The following CSMD1 variants were observed in gnomAD, a reference collection of about 807,000 sequenced individuals.
CSMD1 encodes CUB and Sushi multiple domains 1.
CSMD1 carries 213 observed loss-of-function variants against 417.5 expected under a neutral mutation model. The observed-to-expected ratio is 0.51, with a 90% CI of 0.46 to 0.57. CSMD1 has a LOEUF of 0.57. CSMD1 is among the 20% of genes least tolerant of loss of function. CSMD1 has a pLI of 0.00. For missense variants in CSMD1, 6,923 were observed against 4,529.7 expected (o/e 1.53, Z -15.17); for synonymous variants, 2,862 against 1,736.8 (o/e 1.65, Z -16.11).
Position 3,018,524 on chromosome 8 carries a change from T to C in CSMD1, c.7982A>G (p.Glu2661Gly). 6.2e-7 allele frequency: 1 copy of C among 1,613,744 alleles called. No individual in the cohort carries two copies. Among genetic ancestry groups the C allele is most frequent in the Non-Finnish European group, 8.5e-7 (1 of 1,179,830 alleles). The change falls in exon 52 of 70, where the codon GAG becomes GGG. Residue 2661 changes from glutamate to glycine, a missense_variant. By Grantham distance (98) the Glu-to-Gly change is moderately conservative. Transcript: ENST00000635120. Reference sequence around the variant, plus strand: ...GCTCCAGAGCCCATTTGCCAAGCACTCTCTGACATGAGACCCCACAAGCGT... The same window carrying C: ...GCTCCAGAGCCCATTTGCCAAGCACCCTCTGACATGAGACCCCACAAGCGT... The part of the protein sequence containing the change: ...GYTLVGSHVR[E>G]CLANGLWSGS...
At chr8:3,455,692 C>T (rs1268856230) in intron 12 of CSMD1, among the ~76,000 whole-genome samples, 1 of 152,214 alleles carries the variant, frequency 6.6e-6, no homozygotes, top group African/African-American at 2.4e-5. Flanking sequence ...CAGAGGAGTA[C>T]CTGGCCATCT....
intron 2 of CSMD1, among the ~76,000 whole-genome samples, chr8:4,427,412 A>G (rs1797625409): frequency 6.6e-6 from 1 of 152,024 alleles, no homozygotes; most frequent in East Asian, 1.9e-4. Context: ...TTGGGGTCAT[A>G]GAACTCTCTT....
At chr8:4,506,425 G>C (rs540970136) in intron 2 of CSMD1, among the ~76,000 whole-genome samples, 13 of 152,228 alleles carry the variant, frequency 8.5e-5, no homozygotes, top group Admixed American at 3.3e-4. Context: ...CCGCACTTCA[G>C]GCCTAGCCCA....
At chr8:4,128,037 G>A (rs1320711115) in intron 3 of CSMD1, among the ~76,000 whole-genome samples, 8 of 152,134 alleles carry the variant, frequency 5.3e-5, no homozygotes, top group Admixed American at 3.3e-4. Context: ...TATTCTTCAG[G>A]TGATTTATAA....
Position 4,833,967 on chromosome 8 carries a change from C to T in CSMD1, c.85+160365G>A, listed in dbSNP as rs78511152. On this transcript the variant is annotated intron_variant, in intron 1 of 69. Transcript: ENST00000635120. ...CCCTGACTAGTCTTCACTATCTTAG[C>T]ACCTTGAAGAGTCTCTCACAGGACC... is the stretch of plus-strand genomic sequence containing the variant. 5.0e-3 allele frequency among the ~76,000 whole-genome samples: 765 copies of T among 152,262 alleles called. 6 individuals carry two copies. Among genetic ancestry groups the T allele is most frequent in the African/African-American group, 0.018 (746 of 41,542 alleles).
At chr8:4,623,966 A>G (rs116561605) in intron 2 of CSMD1, among the ~76,000 whole-genome samples, 2,091 of 152,196 alleles carry the variant, frequency 0.014, 31 homozygotes, top group African/African-American at 0.036. Context: ...AAAATTTTCA[A>G]TATCTGCACT....
intron 1 of CSMD1, among the ~76,000 whole-genome samples, chr8:4,943,963 A>G (rs10106548): frequency 2.8e-3 from 434 of 152,322 alleles, no homozygotes; most frequent in African/African-American, 9.5e-3. Flanking sequence ...GTATTAAGGG[A>G]AAGAAACATG....
intron 7 of CSMD1, among the ~76,000 whole-genome samples, chr8:3,621,925 G>C (rs1796262017): frequency 6.6e-6 from 1 of 151,606 alleles, no homozygotes; most frequent in Admixed American, 6.6e-5. Context: ...TGCTTATAAT[G>C]GTTAAAACCA....
At chr8:3,729,840 C>T (rs890990330) in intron 6 of CSMD1, among the ~76,000 whole-genome samples, 1 of 147,544 alleles carries the variant, frequency 6.8e-6, no homozygotes, top group Non-Finnish European at 1.5e-5. Flanking sequence ...AGGCACCTTG[C>T]ATATTCCATG....
At chr8:3,978,968 C>T (rs768679528) in intron 5 of CSMD1, among the ~76,000 whole-genome samples, 2 of 152,194 alleles carry the variant, frequency 1.3e-5, no homozygotes, top group Non-Finnish European at 2.9e-5. Context: ...TTTACACTGC[C>T]TCCTAGAAGC....
intron 25 of CSMD1, among the ~76,000 whole-genome samples, chr8:3,303,422 A>G (rs1804567628): frequency 6.6e-6 from 1 of 152,218 alleles, no homozygotes; most frequent in Admixed American, 6.5e-5. Flanking sequence ...TCGTCAAACC[A>G]CATGTTACCT....
intron 1 of CSMD1, among the ~76,000 whole-genome samples, chr8:4,884,148 C>T (rs1204592646): frequency 6.6e-6 from 1 of 151,922 alleles, no homozygotes; most frequent in East Asian, 1.9e-4. Context: ...CTATTCACAC[C>T]TTTTGCTTCT....
chr8:4,828,064 T>C (rs921133126), intron 1 of CSMD1, among the ~76,000 whole-genome samples: 5 of 152,294 alleles, frequency 3.3e-5, no homozygotes, highest in African/African-American at 9.6e-5. Flanking sequence ...GATTTTTTTT[T>C]ACATGAGTCC....
intron 3 of CSMD1, among the ~76,000 whole-genome samples, chr8:4,102,157 G>A (rs1018345028): frequency 1.4e-4 from 22 of 152,132 alleles, no homozygotes; most frequent in Admixed American, 2.6e-4. Flanking sequence ...TCATGTAAAT[G>A]ACTTACTGGT....
At chr8:3,049,216 C>G (rs745708087) in intron 50 of CSMD1, among the ~76,000 whole-genome samples, 1 of 152,140 alleles carries the variant, frequency 6.6e-6, no homozygotes, top group Non-Finnish European at 1.5e-5. Flanking sequence ...TTCACTCTAT[C>G]AATCTCAACC....
intron 1 of CSMD1, among the ~76,000 whole-genome samples, chr8:4,778,062 C>G (rs144602252): frequency 2.6e-5 from 4 of 152,126 alleles, no homozygotes; most frequent in Non-Finnish European, 5.9e-5. Context: ...CACATAAACA[C>G]ACACAGGCAT....
At chr8:3,836,168 A>C (rs1802686969) in intron 5 of CSMD1, among the ~76,000 whole-genome samples, 2 of 152,086 alleles carry the variant, frequency 1.3e-5, no homozygotes, top group South Asian at 4.1e-4. Context: ...TCATTGTCTC[A>C]GTTTATTATA....
At chr8:2,986,186 T>C (rs1805892437) in intron 54 of CSMD1, among the ~76,000 whole-genome samples, 1 of 152,216 alleles carries the variant, frequency 6.6e-6, no homozygotes, top group Non-Finnish European at 1.5e-5. Context: ...CTGACTTTCC[T>C]GCGATAATAT....
intron 49 of CSMD1, among the ~76,000 whole-genome samples, chr8:3,084,316 G>A (rs1814357742): frequency 6.6e-6 from 1 of 152,080 alleles, no homozygotes; most frequent in South Asian, 2.1e-4. Context: ...CTGAGGTCAG[G>A]AGTTTGAGAC....
Sources: gnomAD v4.1 joint callset for allele counts (sites outside exome capture counted in the v4.1 genomes callset) on GRCh38, gnomAD v4.1.1 for gene constraint, MANE v1.5 for transcripts, NCBI Gene and HGNC (gene_info 2026-07-23, HGNC 2026-07-21) for gene names.